Variants in TENM4 observed in about 807,000 individuals in gnomAD.
TENM4 encodes the protein teneurin transmembrane protein 4.
TENM4 carries 82 observed loss-of-function variants against 243.3 expected under a neutral mutation model. The observed-to-expected ratio is 0.34, with a 90% CI of 0.28 to 0.40. The LOEUF (loss-of-function observed/expected upper bound fraction) is 0.40, where lower values mean the gene tolerates loss of function less well. TENM4 is among the 10% of genes least tolerant of loss of function. The pLI is 1.00. For missense variants in TENM4, 3,138 were observed against 3,673.3 expected (o/e 0.85, Z 3.77); for synonymous variants, 1,412 against 1,456.3 (o/e 0.97, Z 0.69).
At chr11:78,974,808 A>G (rs1019788023) in intron 6 of TENM4, among the ~76,000 whole-genome samples, 4 of 148,400 alleles carry the variant, frequency 2.7e-5, no homozygotes. Context: ...TGCCTCAGCC[A>G]CCCAAGTAGC....
Position 78,778,624 on chromosome 11 carries a change from G to T in TENM4, c.2370C>A (p.His790Gln), listed in dbSNP as rs766480591. ...TACCTTTAACTACCCTATCCAGATA[G>T]TGAGCTAGGGAGATAAAAGACAGGA... ...GWNGEHCTIA[H>Q]YLDRVVKEGC... The change falls in exon 17 of 34, where the codon CAC (histidine) becomes CAA (glutamine). Residue 790 changes from histidine (H) to glutamine (Q), a missense_variant. His to Gln is a conservative substitution (Grantham distance 24). Coordinates refer to ENST00000278550, the MANE Select transcript of TENM4 (RefSeq NM_001098816.3). 1 of 1,612,016 alleles carries T rather than the reference G, an allele frequency of 6.2e-7. No homozygotes were observed. The highest frequency in any genetic ancestry group is 8.5e-7 in the Non-Finnish European group (1 of 1,179,074).
At chr11:78,957,658 G>A (rs1040351961) in intron 6 of TENM4, among the ~76,000 whole-genome samples, 1 of 152,196 alleles carries the variant, frequency 6.6e-6, no homozygotes, top group Non-Finnish European at 1.5e-5. Context: ...AAACAACAGT[G>A]ATGCTGACCA....
intron 7 of TENM4, among the ~76,000 whole-genome samples, chr11:78,899,559 C>CAGGG (rs375147197): frequency 3.4e-5 from 1 of 29,590 alleles, no homozygotes; most frequent in Non-Finnish European, 9.5e-5. Flanking sequence ...TCTCAAAAAG[C>CAGGG]GGGGGGGGGG....
chr11:79,332,474 A>G (rs779509673), intron 1 of TENM4, among the ~76,000 whole-genome samples: 7 of 152,048 alleles, frequency 4.6e-5, no homozygotes, highest in Non-Finnish European at 1.0e-4. Flanking sequence ...GAACTGTCAC[A>G]TGAAATCTCT....
Position 78,702,000 on chromosome 11 carries a change from G to A in TENM4, c.4613C>T (p.Thr1538Ile), listed in dbSNP as rs201389910. 112 of 1,613,894 alleles carry A rather than the reference G, an allele frequency of 6.9e-5. No homozygotes were observed. The highest frequency in any genetic ancestry group is 8.5e-5 in the Non-Finnish European group (100 of 1,179,902). Residue 1538 changes from threonine (T) to isoleucine (I), a missense_variant, in exon 28 of 34, where the codon ACC (threonine) becomes ATC (isoleucine). By Grantham distance (89) the Thr-to-Ile change is moderately conservative. Transcript: ENST00000278550. ...AGCACACACAGCCAAGGAAGATGGG[G>A]TATTTAACTTTGCATCCTTGGCATA... ...DGYAKDAKLN[T>I]PSSLAVCADG...
intron 16 of TENM4, among the ~76,000 whole-genome samples, chr11:78,783,470 C>A (rs1322259794): frequency 6.6e-6 from 1 of 152,050 alleles, no homozygotes; most frequent in Non-Finnish European, 1.5e-5. Flanking sequence ...CACTTTTGGG[C>A]TGATGGGTGT....
At chr11:78,774,192 T>C (rs1055927017) in intron 17 of TENM4, among the ~76,000 whole-genome samples, 3 of 152,200 alleles carry the variant, frequency 2.0e-5, no homozygotes, top group Admixed American at 2.0e-4. Flanking sequence ...GTAACATACA[T>C]AGGGATTCAA....
At chr11:79,372,110 C>T (rs752892317) in intron 1 of TENM4, among the ~76,000 whole-genome samples, 8 of 152,124 alleles carry the variant, frequency 5.3e-5, no homozygotes, top group Non-Finnish European at 8.8e-5. Flanking sequence ...AGAAGGGTCA[C>T]CAAAAGTTTG....
intron 4 of TENM4, among the ~76,000 whole-genome samples, chr11:79,075,426 C>A (rs1241321761): frequency 6.6e-6 from 1 of 152,186 alleles, no homozygotes; most frequent in Non-Finnish European, 1.5e-5. Flanking sequence ...TTAACTTACT[C>A]CAAGAGGCTG....
intron 1 of TENM4, among the ~76,000 whole-genome samples, chr11:79,323,677 A>T (rs192970706): frequency 2.6e-5 from 4 of 152,348 alleles, no homozygotes; most frequent in African/African-American, 9.6e-5. Context: ...ATTATCTTCC[A>T]TAATGTGGGT....
At chr11:79,278,308 G>A (rs1041249021) in intron 2 of TENM4, among the ~76,000 whole-genome samples, 3 of 152,156 alleles carry the variant, frequency 2.0e-5, no homozygotes, top group South Asian at 2.1e-4. Flanking sequence ...GAAACACAAC[G>A]TTGTAAGCTT....
intron 1 of TENM4, among the ~76,000 whole-genome samples, chr11:79,386,509 G>A (rs2135533293): frequency 6.6e-6 from 1 of 151,912 alleles, no homozygotes; most frequent in Non-Finnish European, 1.5e-5. Context: ...ACAATATCTG[G>A]CAAATGACTG....
At chr11:78,877,630 TC>T (rs1322514165) in intron 9 of TENM4, among the ~76,000 whole-genome samples, 1 of 152,130 alleles carries the variant, frequency 6.6e-6, no homozygotes. Flanking sequence ...CTGTGCTGCC[TC>T]CCCTGGGGGC....
intron 7 of TENM4, 73 bp from the exon 8 acceptor site, chr11:78,891,409 A>G (rs1418830253): frequency 2.2e-6 from 3 of 1,380,120 alleles, no homozygotes; most frequent in East Asian, 5.0e-5. Flanking sequence ...AGAAACACAC[A>G]AAGTGGCTGT....
chr11:78,872,808 T>C (rs901206611), intron 9 of TENM4, among the ~76,000 whole-genome samples: 3 of 152,208 alleles, frequency 2.0e-5, no homozygotes, highest in Non-Finnish European at 4.4e-5. Flanking sequence ...CTGATTTTCT[T>C]TGGTGTGCCA....
chr11:79,083,284 G>A lies in TENM4; in HGVS notation c.-65-13275C>T, dbSNP rs79136351. ...GTGCCATCGCAAGCCTTCGGCCTCCGTGCATTCTGTCCCTAGACAAGATAA... is the reference window on the plus strand; with the variant it reads ...GTGCCATCGCAAGCCTTCGGCCTCCATGCATTCTGTCCCTAGACAAGATAA... On this transcript the variant is annotated intron_variant, in intron 4 of 33. Transcript: ENST00000278550. Among the ~76,000 whole-genome samples, 427 of 152,284 alleles carry A rather than the reference G, an allele frequency of 2.8e-3. 2 individuals carry two copies. Among genetic ancestry groups the A allele is most frequent in the Non-Finnish European group, 4.2e-3 (284 of 68,030 alleles).
chr11:78,979,901 G>A (rs193000712), intron 6 of TENM4, among the ~76,000 whole-genome samples: 41 of 152,286 alleles, frequency 2.7e-4, no homozygotes, highest in African/African-American at 9.6e-4. Flanking sequence ...CTGAAAATTA[G>A]CATGGTTACA....
chr11:79,035,593 C>T (rs1213020776), intron 6 of TENM4, among the ~76,000 whole-genome samples: 1 of 151,736 alleles, frequency 6.6e-6, no homozygotes, highest in Non-Finnish European at 1.5e-5. Flanking sequence ...CATAATTCCA[C>T]CACTTGGAGC....
chr11:79,030,319 A>G (rs184550172), intron 6 of TENM4, among the ~76,000 whole-genome samples: 1 of 152,304 alleles, frequency 6.6e-6, no homozygotes, highest in Admixed American at 6.5e-5. Context: ...GCTCAGGTTT[A>G]CCTGGTGGGT....
Sources: gnomAD v4.1 joint callset for allele counts (sites outside exome capture counted in the v4.1 genomes callset) on GRCh38, gnomAD v4.1.1 for gene constraint, MANE v1.5 for transcripts, NCBI Gene and HGNC (gene_info 2026-07-23, HGNC 2026-07-21) for gene names.